The following USP18 variants were observed in gnomAD, a reference collection of about 807,000 sequenced individuals.
USP18 encodes the protein ubl carboxyl-terminal hydrolase 18.
A neutral mutation model predicts 48.7 loss-of-function variants in USP18; 11 were observed. The ratio of observed to expected loss-of-function variants is 0.23; its 90% CI spans 0.14 to 0.37. The LOEUF is 0.37. USP18 is among the 10% of genes least tolerant of loss of function. The probability of loss-of-function intolerance (pLI) is 1.00; values close to 1 mark genes in which losing one functional copy is unlikely to be tolerated. For synonymous variants in USP18, 114 were observed against 163.2 expected (o/e 0.70, Z 2.30); for missense variants, 285 against 436.4 (o/e 0.65, Z 3.09).
intron 1 of USP18, among the ~76,000 whole-genome samples, chr22:18,152,680 C>T (rs921964715): frequency 6.6e-6 from 1 of 151,990 alleles, no homozygotes; most frequent in Non-Finnish European, 1.5e-5. Context: ...ACTTCAGCTG[C>T]GGTCTCTCTG....
chr22:18,171,616 G>A (rs112627257), intron 8 of USP18, among the ~76,000 whole-genome samples: 8 of 151,674 alleles, frequency 5.3e-5, no homozygotes, highest in African/African-American at 1.5e-4. Context: ...GGGCAACAGC[G>A]CAAGACCCCG....
At chr22:18,160,433 G>C (rs1929297622) in intron 3 of USP18, among the ~76,000 whole-genome samples, 165 bp downstream of exon 3, 1 of 152,024 alleles carries the variant, frequency 6.6e-6, no homozygotes, top group African/African-American at 2.4e-5. Context: ...AGTCTCCCGA[G>C]TAGCTGGGAC....
intron 1 of USP18, among the ~76,000 whole-genome samples, chr22:18,155,426 G>A (rs1031760084): frequency 6.6e-6 from 1 of 152,138 alleles, no homozygotes; most frequent in East Asian, 1.9e-4. Flanking sequence ...CTCTGGCCAC[G>A]CTTGAGGAGC....
At chr22:18,160,380 A>G (rs1569209915) in intron 3 of USP18, 112 bp downstream of exon 3, 2 of 1,311,520 alleles carry the variant, frequency 1.5e-6, no homozygotes, top group Middle Eastern at 1.9e-4. Context: ...ATCTTGGCTC[A>G]CTGCAAGTTC....
chr22:18,155,092 C>T (rs759035780), intron 1 of USP18, among the ~76,000 whole-genome samples: 34 of 152,264 alleles, frequency 2.2e-4, no homozygotes, highest in Non-Finnish European at 4.4e-4. Flanking sequence ...CCGAGACTGG[C>T]ACAGCACTGG....
At chr22:18,166,539 AAGGTGGCAAC>A (rs1217207440) in intron 4 of USP18, among the ~76,000 whole-genome samples, 1 of 151,432 alleles carries the variant, frequency 6.6e-6, no homozygotes, top group East Asian at 1.9e-4. Flanking sequence ...TAGATAATGT[AAGGTGGCAAC>A]ACTGGACATC....
At chr22:18,150,976 A>G (rs796374696) in intron 1 of USP18, among the ~76,000 whole-genome samples, 67 of 152,302 alleles carry the variant, frequency 4.4e-4, no homozygotes, top group African/African-American at 1.4e-3. Context: ...AACCTGATAC[A>G]TGGTATGGGA....
chr22:18,169,795 G>A, intron 6 of USP18, 49 bp from the exon 7 acceptor site: 4 of 1,543,248 alleles, frequency 2.6e-6, no homozygotes, highest in Non-Finnish European at 3.5e-6. Flanking sequence ...TAGTATTCTA[G>A]GTGGGAAATA....
intron 6 of USP18, among the ~76,000 whole-genome samples, chr22:18,168,777 A>G (rs926207429): frequency 4.6e-5 from 7 of 152,026 alleles, no homozygotes; most frequent in African/African-American, 1.7e-4. Flanking sequence ...CCCTCAAACC[A>G]TTACACCACA....
intron 1 of USP18, among the ~76,000 whole-genome samples, chr22:18,152,579 C>G (rs1286803091): frequency 6.6e-6 from 1 of 151,746 alleles, no homozygotes; most frequent in African/African-American, 2.4e-5. Flanking sequence ...GCCTGGGGGT[C>G]TTTTTTTGAG....
chr22:18,173,883 C>T (rs779971710), intron 10 of USP18, 41 bp downstream of exon 10: 48 of 1,524,916 alleles, frequency 3.1e-5, no homozygotes, highest in South Asian at 1.2e-5. Context: ...GATGAGCTCA[C>T]ATAGGGTCCT....
chr22:18,159,731 A>G (rs572985609), intron 2 of USP18, among the ~76,000 whole-genome samples: 13 of 139,298 alleles, frequency 9.3e-5, no homozygotes, highest in African/African-American at 3.6e-4. Flanking sequence ...GCTGGAGTGC[A>G]GTGGCGTGAT....
rs1438260562 is a variant in USP18 at position 18,173,815 on chromosome 22, G to A, written c.1046G>A (p.Cys349Tyr). 4 of 1,606,338 alleles carry A rather than the reference G, an allele frequency of 2.5e-6. No individual in the cohort carries two copies. Among genetic ancestry groups the A allele is most frequent in the Non-Finnish European group, 3.4e-6 (4 of 1,174,240 alleles). Reference protein sequence around the residue: ...ICLVSWEDIQCTYGNPNYHWQ... With the variant: ...ICLVSWEDIQYTYGNPNYHWQ... ...CAGGTGTCCTGGGAAGACATCCAGT[G>A]TACCTACGGAAATCCTAACTACCAC... is the stretch of plus-strand genomic sequence containing the variant. Residue 349 changes from cysteine (C) to tyrosine (Y), a missense_variant, in exon 10 of 11, where the codon TGT becomes TAT. Cys to Tyr is a radical substitution (Grantham distance 194, BLOSUM62 -2). Transcript: ENST00000215794.
intron 5 of USP18, 42 bp from the exon 6 acceptor site, chr22:18,167,848 T>C (rs199656719): frequency 1.9e-6 from 3 of 1,590,356 alleles, no homozygotes; most frequent in Non-Finnish European, 2.6e-6. Context: ...ACCTGGCTTA[T>C]GGTGGTGTTC....
chr22:18,156,960 A>AGG (rs35886746), intron 1 of USP18, among the ~76,000 whole-genome samples: 38,381 of 152,018 alleles, frequency 0.25, 6,025 homozygotes, highest in East Asian at 0.63. Context: ...GGGTTGGGGG[A>AGG]GGGTACACGG....
At chr22:18,157,125 A>G (rs761237700) in intron 1 of USP18, among the ~76,000 whole-genome samples, 1 of 152,232 alleles carries the variant, frequency 6.6e-6, no homozygotes, top group Non-Finnish European at 1.5e-5. Context: ...GCTGGCCGGC[A>G]GTGTTGCGGG....
chr22:18,166,923 GA>G (rs1190085111), intron 4 of USP18, among the ~76,000 whole-genome samples: 2 of 151,120 alleles, frequency 1.3e-5, no homozygotes, highest in African/African-American at 2.4e-5. Flanking sequence ...ATTTTTTATC[GA>G]GACGGAGTCT....
intron 1 of USP18, 73 bp downstream of exon 1, chr22:18,150,295 T>C (rs982848383): frequency 6.6e-6 from 1 of 152,270 alleles, no homozygotes; most frequent in Non-Finnish European, 1.5e-5. Context: ...GCCAGTCAGA[T>C]AATTAAGGAA....
intron 9 of USP18, among the ~76,000 whole-genome samples, 191 bp downstream of exon 9, chr22:18,173,472 T>C (rs1009610957): frequency 6.6e-6 from 1 of 152,158 alleles, no homozygotes; most frequent in Admixed American, 6.5e-5. Flanking sequence ...CTGTAAGGGT[T>C]CAATTCACTT....
Sources: gnomAD v4.1 joint callset for allele counts (sites outside exome capture counted in the v4.1 genomes callset) on GRCh38, gnomAD v4.1.1 for gene constraint, MANE v1.5 for transcripts, NCBI Gene and HGNC (gene_info 2026-07-23, HGNC 2026-07-21) for gene names.